The following ABCG4 variants were observed in gnomAD, a reference collection of about 807,000 sequenced individuals.
ABCG4 encodes the protein ATP binding cassette subfamily G member 4, also known as ATP-binding cassette sub-family G member 4.
A neutral mutation model predicts 64.6 loss-of-function variants in ABCG4; 35 were observed. That is an observed-to-expected ratio of 0.54 (90% confidence interval 0.41 to 0.72). The LOEUF is 0.72. Among genes scored for constraint, ABCG4 ranks in the 30% least tolerant of loss-of-function variants. The pLI is 0.00. For missense variants in ABCG4, 610 were observed against 846.3 expected (o/e 0.72, Z 3.46); for synonymous variants, 326 against 348.2 (o/e 0.94, Z 0.71).
Position 119,160,363 on chromosome 11 carries a change from G to A in ABCG4, c.1574G>A (p.Gly525Glu). ...GCCCAATCTTTGGGGCTGCTGATCG[G>A]AGCTGCTTCCAACTCCCTACAGGTG... Reference protein sequence around the residue: ...LVAQSLGLLIGAASNSLQVAT... With the variant: ...LVAQSLGLLIEAASNSLQVAT... The change falls in exon 13 of 15, where the codon GGA (glycine) becomes GAA (glutamate). Residue 525 changes from glycine (G) to glutamate (E), a missense_variant. Coordinates refer to ENST00000619701, the MANE Select transcript of ABCG4 (RefSeq NM_022169.5). This position sits in a 1 kb window ranked among gnomAD's most constrained non-coding sequence, Gnocchi z 4.6. 2 of 1,611,666 alleles carry A rather than the reference G, an allele frequency of 1.2e-6. No homozygotes were observed. Among genetic ancestry groups the A allele is most frequent in the East Asian group, 4.5e-5 (2 of 44,772 alleles).
chr11:119,153,924 G>T, intron 2 of ABCG4, 102 bp from the exon 3 acceptor site: 2 of 966,802 alleles, frequency 2.1e-6, no homozygotes, highest in South Asian at 2.8e-5. Context: ...ACACTGAGTA[G>T]GGGCTACCTA....
rs2135128023 is a variant in ABCG4 at position 119,158,837 on chromosome 11, G to C, written c.1345G>C (p.Glu449Gln). The change falls in exon 12 of 15, where the codon GAG (glutamate) becomes CAG (glutamine). Residue 449 changes from glutamate to glutamine, a missense_variant. Coordinates refer to ENST00000619701, the MANE Select transcript of ABCG4 (RefSeq NM_022169.5). This position sits in a 1 kb window ranked among gnomAD's most constrained non-coding sequence, Gnocchi z 4.5. ...LMPTVLTFPL[E>Q]MAVFMREHLN... ...GCAGCCTGTGTCCTCAGTCCCCTTA[G>C]AGATGGCGGTCTTCATGAGGGAGCA... 6.2e-7 allele frequency: 1 copy of C among 1,614,192 alleles called. No individual in the cohort carries two copies. The highest frequency in any genetic ancestry group is 8.5e-7 in the Non-Finnish European group (1 of 1,180,028).
At chr11:119,153,006 A>C (rs1317641906) in intron 2 of ABCG4, 1 of 152,018 alleles carries the variant, frequency 6.6e-6, no homozygotes, top group African/African-American at 2.4e-5. Context: ...GTCTTCCTCA[A>C]TTTTTATCCA....
Position 119,150,260 on chromosome 11 carries a change from A to T in ABCG4, c.238+57A>T. The stretch of plus-strand genomic sequence containing the variant: ...GGCCCTCTCTGAGTTGCCTCTCCAG[A>T]AGCATGAGGCCTGGGTGTCCCATGT... On this transcript the variant is annotated intron_variant, in intron 2 of 14. Coordinates refer to ENST00000619701, the MANE Select transcript of ABCG4 (RefSeq NM_022169.5). The surrounding 1 kb of genome is among the most constrained non-coding windows in gnomAD (Gnocchi z 4.3). 6.3e-7 allele frequency: 1 copy of T among 1,579,918 alleles called. No homozygotes were observed. Among genetic ancestry groups the T allele is most frequent in the Non-Finnish European group, 8.6e-7 (1 of 1,160,518 alleles).
In ABCG4 at chr11:119,156,571, T is replaced by C. The variant is rs1002065770; in HGVS notation, c.818T>C (p.Ile273Thr). The C allele has an allele frequency of 3.7e-6, 6 of 1,613,980 alleles. No homozygotes were observed. The African/African-American group carries it at 6.7e-5, about 18-fold the overall frequency. Residue 273 changes from isoleucine (I) to threonine (T), a missense_variant, in exon 8 of 15, where the codon ATC becomes ACC. Ile to Thr is a moderately conservative substitution (Grantham distance 89). Transcript: ENST00000619701. This position sits in a 1 kb window ranked among gnomAD's most constrained non-coding sequence, Gnocchi z 5.5. The part of the protein sequence containing the change: ...KLFEMFDKLY[I>T]LSQGQCIFKG... ...CTTCTCTTTCTGCTGCAGCTCTACATCCTGAGCCAGGGTCAGTGCATCTTC... is the reference window on the plus strand; with the variant it reads ...CTTCTCTTTCTGCTGCAGCTCTACACCCTGAGCCAGGGTCAGTGCATCTTC...
At chr11:119,151,234 A>G (rs1010081513) in intron 2 of ABCG4, among the ~76,000 whole-genome samples, 2 of 152,160 alleles carry the variant, frequency 1.3e-5, no homozygotes, top group Admixed American at 6.5e-5. Flanking sequence ...TCATTTCCTC[A>G]TAATTTTAAG....
Position 119,156,529 on chromosome 11 carries a change from G to A in ABCG4, c.811-35G>A, listed in dbSNP as rs372377217. 138 of 1,613,708 alleles carry A rather than the reference G, an allele frequency of 8.6e-5. No homozygotes were observed. The highest frequency in any genetic ancestry group is 1.1e-4 in the Non-Finnish European group (128 of 1,179,790). The stretch of plus-strand genomic sequence containing the variant: ...GGGGGTCAGTAGGGGTGCCTGGCCC[G>A]CTGTTCCTTCCTTACCCTTCTCTTT... On this transcript the variant is annotated intron_variant, in intron 7 of 14. Transcript: ENST00000619701. The surrounding 1 kb of genome is among the most constrained non-coding windows in gnomAD (Gnocchi z 5.5).
Position 119,158,820 on chromosome 11 carries a change from T to A in ABCG4, c.1337-9T>A. 6.2e-7 allele frequency: 1 copy of A among 1,614,148 alleles called. No individual in the cohort carries two copies. The highest frequency in any genetic ancestry group is 8.5e-7 in the Non-Finnish European group (1 of 1,179,974). Reference sequence around the variant, plus strand: ...CGGCCGGGTGTGCCTAAGCAGCCTGTGTCCTCAGTCCCCTTAGAGATGGCG... The same window carrying A: ...CGGCCGGGTGTGCCTAAGCAGCCTGAGTCCTCAGTCCCCTTAGAGATGGCG... On this transcript the variant is annotated splice_polypyrimidine_tract_variant and intron_variant, in intron 11 of 14. Coordinates refer to ENST00000619701, the MANE Select transcript of ABCG4 (RefSeq NM_022169.5). This position sits in a 1 kb window ranked among gnomAD's most constrained non-coding sequence, Gnocchi z 4.5.
chr11:119,160,487 G>A lies in ABCG4; in HGVS notation c.1597-51G>A. ...TAGGGTGGAGCTCTAGGAAACCTGGGTTTGTCCTGGTCACCCCTATGATGG... is the reference window on the plus strand; with the variant it reads ...TAGGGTGGAGCTCTAGGAAACCTGGATTTGTCCTGGTCACCCCTATGATGG... On this transcript the variant is annotated intron_variant, in intron 13 of 14. Transcript: ENST00000619701. The surrounding 1 kb of genome is among the most constrained non-coding windows in gnomAD (Gnocchi z 4.6). The A allele has an allele frequency of 1.2e-6, 2 of 1,608,388 alleles. No homozygotes were observed. Among genetic ancestry groups the A allele is most frequent in the Non-Finnish European group, 8.5e-7 (1 of 1,178,984 alleles).
rs1948247316 is a variant in ABCG4 at position 119,154,981 on chromosome 11, G to A, written c.686+66G>A. The A allele has an allele frequency of 6.5e-7, 1 of 1,544,006 alleles. No individual in the cohort carries two copies. The highest frequency in any genetic ancestry group is 1.4e-5 in the African/African-American group (1 of 73,238). On this transcript the variant is annotated intron_variant, in intron 6 of 14. Transcript: ENST00000619701. This position sits in a 1 kb window ranked among gnomAD's most constrained non-coding sequence, Gnocchi z 7.0. Reference sequence around the variant, plus strand: ...TCTCGGCCCTGAGCCAGGGCTGGAGGCTGCATCTTCTCCATGATCCAGAGC... The same window carrying A: ...TCTCGGCCCTGAGCCAGGGCTGGAGACTGCATCTTCTCCATGATCCAGAGC...
Position 119,155,020 on chromosome 11 carries a change from C to A in ABCG4, c.686+105C>A. ...ATGATCCAGAGCCTCTGTTCACAGC[C>A]TCCTGGGGCCAAGATAAGGGCTTCT... is the stretch of plus-strand genomic sequence containing the variant. On this transcript the variant is annotated intron_variant, in intron 6 of 14. Coordinates refer to ENST00000619701, the MANE Select transcript of ABCG4 (RefSeq NM_022169.5). The surrounding 1 kb of genome is among the most constrained non-coding windows in gnomAD (Gnocchi z 4.5). 6.9e-7 allele frequency: 1 copy of A among 1,459,646 alleles called. No individual in the cohort carries two copies. Among genetic ancestry groups the A allele is most frequent in the Non-Finnish European group, 9.2e-7 (1 of 1,082,844 alleles). The allele number at this position is 1,459,646 out of a possible 1,614,324, so 90.4% of individuals were successfully genotyped here.
Position 119,156,637 on chromosome 11 carries a change from T to C in ABCG4, c.884T>C (p.Leu295Pro). 1 of 1,614,136 alleles carries C rather than the reference T, an allele frequency of 6.2e-7. No individual in the cohort carries two copies. The highest frequency in any genetic ancestry group is 8.5e-7 in the Non-Finnish European group (1 of 1,180,016). Reference protein sequence around the residue: ...VTNLIPYLKGLGLHCPTYHNP... With the variant: ...VTNLIPYLKGPGLHCPTYHNP... Reference sequence around the variant, plus strand: ...AACCTGATCCCCTATCTAAAGGGACTCGGCTTGCATTGCCCCACCTACCAC... The same window carrying C: ...AACCTGATCCCCTATCTAAAGGGACCCGGCTTGCATTGCCCCACCTACCAC... Residue 295 changes from leucine to proline, a missense_variant, in exon 8 of 15, where the codon CTC (leucine) becomes CCC (proline). Physicochemically the swap from Leu to Pro is moderately conservative, Grantham distance 98 (BLOSUM62 -3). Transcript: ENST00000619701. The surrounding 1 kb of genome is among the most constrained non-coding windows in gnomAD (Gnocchi z 5.5).
In ABCG4 at chr11:119,161,092, A is replaced by C. The variant is rs147493505; in HGVS notation, c.1927A>C (p.Lys643Gln). 1.2e-6 allele frequency: 2 copies of C among 1,613,542 alleles called. No homozygotes were observed. The highest frequency in any genetic ancestry group is 1.7e-6 in the Non-Finnish European group (2 of 1,179,804). ...CTACCTTGTGCTGCGTTACCGGGTC[A>C]AGTCAGAGAGATAGAGGCTTGCCCC... ...LAYLVLRYRV[K>Q]SER Residue 643 changes from lysine (K) to glutamine (Q), a missense_variant, in exon 15 of 15, where the codon AAG becomes CAG. By Grantham distance (53) the Lys-to-Gln change is moderately conservative (BLOSUM62 1). Coordinates refer to ENST00000619701, the MANE Select transcript of ABCG4 (RefSeq NM_022169.5).
At chr11:119,151,009 G>T (rs1033852437) in intron 2 of ABCG4, among the ~76,000 whole-genome samples, 5 of 152,196 alleles carry the variant, frequency 3.3e-5, no homozygotes, top group African/African-American at 1.2e-4. Flanking sequence ...CAACAAATAG[G>T]TTTGGGGTGC....
rs765711843 is a variant in ABCG4, at chr11:119,161,022, C to T, written c.1857C>T (p.Asp619=). 1.9e-6 allele frequency: 3 copies of T among 1,613,978 alleles called. No individual in the cohort carries two copies. The African/African-American group carries it at 4.0e-5, about 22-fold the overall frequency. Reference sequence around the variant, plus strand: ...TGGAGGATGCCAAGCTCTACATGGACTTCCTGGTCTTGGGCATCTTCTTCC... The same window carrying T: ...TGGAGGATGCCAAGCTCTACATGGATTTCCTGGTCTTGGGCATCTTCTTCC... ...LDVEDAKLYM[D]FLVLGIFFLA... The change falls in exon 15 of 15, where the codon GAC becomes GAT. Residue 619 remains aspartate, a synonymous_variant. Coordinates refer to ENST00000619701, the MANE Select transcript of ABCG4 (RefSeq NM_022169.5).
At position 119,158,188 on chromosome 11, in the gene ABCG4, G is replaced by A. The variant is rs770143825; in HGVS notation, c.1069-46G>A. On this transcript the variant is annotated intron_variant, in intron 9 of 14. Coordinates refer to ENST00000619701, the MANE Select transcript of ABCG4 (RefSeq NM_022169.5). This position sits in a 1 kb window ranked among gnomAD's most constrained non-coding sequence, Gnocchi z 4.5. ...TCACTGAGCTGGGTGTTCTGTGGGT[G>A]AATGGGGTAGGCTCACCTGATCCCG... is the stretch of plus-strand genomic sequence containing the variant. 4.1e-6 allele frequency: 6 copies of A among 1,480,086 alleles called. No homozygotes were observed. In the South Asian group the frequency reaches 6.5e-5, roughly 16 times the overall value. 91.7% of individuals were successfully genotyped at this position (1,480,086 alleles called of 1,614,324 possible).
chr11:119,156,602 C>T lies in ABCG4; in HGVS notation c.849C>T (p.Gly283=), dbSNP rs756521751. 8.7e-6 allele frequency: 14 copies of T among 1,614,022 alleles called. No homozygotes were observed. Among genetic ancestry groups the T allele is most frequent in the African/African-American group, 5.3e-5 (4 of 74,894 alleles). The part of the protein sequence containing the change: ...ILSQGQCIFK[G]VVTNLIPYLK... Reference sequence around the variant, plus strand: ...GCCAGGGTCAGTGCATCTTCAAAGGCGTGGTCACCAACCTGATCCCCTATC... The same window carrying T: ...GCCAGGGTCAGTGCATCTTCAAAGGTGTGGTCACCAACCTGATCCCCTATC... Residue 283 remains glycine, a synonymous_variant, in exon 8 of 15, where the codon GGC becomes GGT. Coordinates refer to ENST00000619701, the MANE Select transcript of ABCG4 (RefSeq NM_022169.5). This position sits in a 1 kb window ranked among gnomAD's most constrained non-coding sequence, Gnocchi z 5.5.
chr11:119,158,974 G>T lies in ABCG4; in HGVS notation c.1437+45G>T. The T allele has an allele frequency of 5.7e-6, 9 of 1,575,688 alleles. No homozygotes were observed. Among genetic ancestry groups the T allele is most frequent in the Non-Finnish European group, 7.9e-6 (9 of 1,145,946 alleles). On this transcript the variant is annotated intron_variant, in intron 12 of 14. Transcript: ENST00000619701. The surrounding 1 kb of genome is among the most constrained non-coding windows in gnomAD (Gnocchi z 4.5). ...CTGCCCACTGCCTCCATCTTGTCTT[G>T]CTCCTTCTATCCTTGCTTTCTTGCC...
intron 2 of ABCG4, 143 bp from the exon 3 acceptor site, chr11:119,153,883 A>AT: frequency 1.4e-6 from 1 of 714,172 alleles, no homozygotes; most frequent in East Asian, 2.5e-5. Context: ...TGCCGGGGCT[A>AT]TAAGGGTTGT....
Sources: allele counts gnomAD v4.1 joint callset (sites outside exome capture counted in the v4.1 genomes callset), GRCh38; gene constraint gnomAD v4.1.1; non-coding constraint Gnocchi (gnomAD v3.1); transcripts MANE v1.5; gene names NCBI Gene and HGNC (gene_info 2026-07-23, HGNC 2026-07-21).